HECTD4: variants seen among roughly 807,000 people sequenced by gnomAD.
HECTD4 encodes probable E3 ubiquitin-protein ligase HECTD4.
In HECTD4, 114 loss-of-function variants were observed where a neutral mutation model predicts 471.5. That is an observed-to-expected ratio of 0.24 (90% confidence interval 0.21 to 0.28). The LOEUF (loss-of-function observed/expected upper bound fraction) is 0.28, where lower values mean the gene tolerates loss of function less well. Among genes scored for constraint, HECTD4 ranks in the 10% least tolerant of loss-of-function variants. The pLI is 1.00. For missense variants in HECTD4, 3,866 were observed against 5,651.5 expected, an observed-to-expected ratio of 0.68 and a Z score of 10.13; for synonymous variants, 2,012 against 2,256.0, an observed-to-expected ratio of 0.89 and a Z score of 3.07.
chr12:112,208,043 G>A (rs745606747), intron 51 of HECTD4, 43 bp from the exon 52 acceptor site: 7 of 1,595,068 alleles, frequency 4.4e-6, no homozygotes, highest in Admixed American at 1.7e-5. Flanking sequence ...GGAATATCTG[G>A]TGCAGGCATC....
intron 61 of HECTD4, among the ~76,000 whole-genome samples, chr12:112,183,588 G>T (rs952736207): frequency 6.6e-6 from 1 of 152,216 alleles, no homozygotes; most frequent in African/African-American, 2.4e-5. Flanking sequence ...ATTCAAAGAA[G>T]TGATTCTAGG....
At chr12:112,205,735 C>A (rs150238412) in intron 52 of HECTD4, among the ~76,000 whole-genome samples, 1 of 151,838 alleles carries the variant, frequency 6.6e-6, no homozygotes, top group African/African-American at 2.4e-5. Flanking sequence ...GGATTACAGG[C>A]GCGCACTACC....
At chr12:112,324,005 C>T (rs1193642795) in intron 1 of HECTD4, among the ~76,000 whole-genome samples, 13 of 37,864 alleles carry the variant, frequency 3.4e-4, no homozygotes, top group South Asian at 3.6e-3. Flanking sequence ...TTCCTTCCTT[C>T]CTTCCTTCCT....
chr12:112,381,896 G>A lies in HECTD4; in HGVS notation c.177+56C>T. ...GAGGCGAGGAGGGGGCCCGACCCGG[G>A]GGTGCCGGGCGAGTGGGTCAGTCCG... On this transcript the variant is annotated intron_variant, in intron 1 of 75. Coordinates refer to ENST00000682272, the MANE Select transcript of HECTD4 (RefSeq NM_001388303.1). The surrounding 1 kb of genome is among the most constrained non-coding windows in gnomAD (Gnocchi z 4.1). 1 of 1,162,982 alleles carries A rather than the reference G, an allele frequency of 8.6e-7. No homozygotes were observed. 72.0% of individuals were successfully genotyped at this position (1,162,982 alleles called of 1,614,324 possible).
At chr12:112,217,896 G>A (rs1593941413) in intron 45 of HECTD4, among the ~76,000 whole-genome samples, 1 of 152,156 alleles carries the variant, frequency 6.6e-6, no homozygotes, top group East Asian at 1.9e-4. Flanking sequence ...AAGGTTAGTT[G>A]TCTTGCTTTC....
In HECTD4 at chr12:112,265,981, C is replaced by G; in HGVS notation, c.2395G>C (p.Glu799Gln). The part of the protein sequence containing the change: ...NLLKLVLTEG[E>Q]RNSGLSQLRD... ...AGCTGGGAGAGTCCACTGTTTCTCT[C>G]TCCTAACACAGAAGAAAGCTCCATC... The change falls in exon 15 of 76, where the codon GAG becomes CAG. Residue 799 changes from glutamate to glutamine, a missense_variant and splice_region_variant. By Grantham distance (29) the Glu-to-Gln change is conservative (BLOSUM62 2). Coordinates refer to ENST00000682272, the MANE Select transcript of HECTD4 (RefSeq NM_001388303.1). 6.2e-7 allele frequency: 1 copy of G among 1,610,510 alleles called. No individual in the cohort carries two copies. The highest frequency in any genetic ancestry group is 8.5e-7 in the Non-Finnish European group (1 of 1,176,990).
At chr12:112,373,751 T>C (rs2135766063) in intron 1 of HECTD4, among the ~76,000 whole-genome samples, 1 of 151,866 alleles carries the variant, frequency 6.6e-6, no homozygotes, top group South Asian at 2.1e-4. Context: ...ACACATATAA[T>C]CCCAGCACTT....
chr12:112,242,905 T>C (rs1468612322), intron 32 of HECTD4, among the ~76,000 whole-genome samples: 1 of 152,078 alleles, frequency 6.6e-6, no homozygotes, highest in Admixed American at 6.6e-5. Context: ...AGTGAGACTC[T>C]GTGTCAAATA....
chr12:112,329,777 A>C (rs962122414), intron 1 of HECTD4, among the ~76,000 whole-genome samples: 15 of 152,202 alleles, frequency 9.9e-5, no homozygotes, highest in African/African-American at 3.4e-4. Flanking sequence ...TGACAAAATA[A>C]ATACAGATCA....
At chr12:112,347,654 G>A (rs891405140) in intron 1 of HECTD4, among the ~76,000 whole-genome samples, 4 of 152,270 alleles carry the variant, frequency 2.6e-5, no homozygotes, top group Non-Finnish European at 1.5e-5. Context: ...AATATCATAC[G>A]TCAGAACCCT....
rs547656418 is a variant in HECTD4 at position 112,212,583 on chromosome 12, C to A, written c.7533G>T (p.Lys2511Asn). 1.4e-5 allele frequency: 22 copies of A among 1,613,868 alleles called. No homozygotes were observed. In the East Asian group the frequency reaches 4.9e-4, roughly 36 times the overall value. The change falls in exon 49 of 76, where the codon AAG (lysine) becomes AAT (asparagine). Residue 2511 changes from lysine to asparagine, a missense_variant. Lys to Asn is a moderately conservative substitution (Grantham distance 94). Coordinates refer to ENST00000682272, the MANE Select transcript of HECTD4 (RefSeq NM_001388303.1). The stretch of plus-strand genomic sequence containing the variant: ...CGCAGTATGTGAAGTACACCCGGCC[C>A]TTGGCTGGCTGTCCCGGAGGAGGTG... Reference protein sequence around the residue: ...GTPPPPGQPAKGRVYFTYCGQ... With the variant: ...GTPPPPGQPANGRVYFTYCGQ...
At chr12:112,307,819 T>C (rs1370609801) in intron 6 of HECTD4, among the ~76,000 whole-genome samples, 1 of 152,244 alleles carries the variant, frequency 6.6e-6, no homozygotes, top group Non-Finnish European at 1.5e-5. Flanking sequence ...CAACTTTGTT[T>C]GAAAGGCAGA....
At chr12:112,209,158 T>C (rs1756440443) in intron 50 of HECTD4, among the ~76,000 whole-genome samples, 1 of 152,010 alleles carries the variant, frequency 6.6e-6, no homozygotes, top group Non-Finnish European at 1.5e-5. Flanking sequence ...TTCCTTGACT[T>C]CCCAGTGTTG....
intron 62 of HECTD4, 32 bp downstream of exon 62, chr12:112,183,027 G>A (rs1372190309): frequency 6.5e-7 from 1 of 1,530,020 alleles, no homozygotes; most frequent in Non-Finnish European, 9.0e-7. Context: ...TCCACAAAAA[G>A]TCTACAGATT....
At chr12:112,298,095 T>C (rs924787654) in intron 7 of HECTD4, among the ~76,000 whole-genome samples, 4 of 151,990 alleles carry the variant, frequency 2.6e-5, no homozygotes, top group African/African-American at 7.3e-5. Flanking sequence ...TCAAGAGCAA[T>C]GGGTTCAAGA....
chr12:112,302,096 C>G, intron 7 of HECTD4: 1 of 1,371,606 alleles, frequency 7.3e-7, no homozygotes, highest in East Asian at 2.3e-5. Flanking sequence ...GTGGACTAGA[C>G]GGCCCAGTCT....
intron 11 of HECTD4, among the ~76,000 whole-genome samples, chr12:112,272,850 C>T (rs2034444970): frequency 6.6e-6 from 1 of 152,210 alleles, no homozygotes; most frequent in African/African-American, 2.4e-5. Context: ...GCTCTGCTCC[C>T]TATCAAGTCA....
rs2033383547 is a variant in HECTD4 at position 112,231,676 on chromosome 12, C to T, written c.6037G>A (p.Ala2013Thr). 1.9e-6 allele frequency: 3 copies of T among 1,612,900 alleles called. No homozygotes were observed. The highest frequency in any genetic ancestry group is 2.5e-6 in the Non-Finnish European group (3 of 1,179,812). ...GCCCACTTGGTGGCTTTCCGCAGGGCGGCTGCAGCCTCTTCTGTAATCACT... is the reference window on the plus strand; with the variant it reads ...GCCCACTTGGTGGCTTTCCGCAGGGTGGCTGCAGCCTCTTCTGTAATCACT... ...CEVITEEAAA[A>T]LRKATKWAQS... The change falls in exon 39 of 76, where the codon GCC becomes ACC. Residue 2013 changes from alanine (A) to threonine (T), a missense_variant. By Grantham distance (58) the Ala-to-Thr change is moderately conservative. Around this residue, in one of 16 missense-constraint regions of HECTD4, gnomAD observed 617 missense variants for 915.1 expected, o/e 0.67. Coordinates refer to ENST00000682272, the MANE Select transcript of HECTD4 (RefSeq NM_001388303.1).
At chr12:112,221,564 G>C (rs2033096843) in intron 44 of HECTD4, among the ~76,000 whole-genome samples, 1 of 152,034 alleles carries the variant, frequency 6.6e-6, no homozygotes, top group African/African-American at 2.4e-5. Flanking sequence ...AGGAAGAACT[G>C]GATATGGCAA....
Sources: allele counts gnomAD v4.1 joint callset (sites outside exome capture counted in the v4.1 genomes callset), GRCh38; gene constraint gnomAD v4.1.1; regional missense constraint gnomAD v4.1.1; non-coding constraint Gnocchi (gnomAD v3.1); transcripts MANE v1.5; gene names NCBI Gene and HGNC (gene_info 2026-07-23, HGNC 2026-07-21).